Variants in CEMIP observed in about 807,000 individuals in gnomAD.
The protein encoded by CEMIP is cell migration-inducing and hyaluronan-binding protein.
A neutral mutation model predicts 156.9 loss-of-function variants in CEMIP; 105 were observed. The ratio of observed to expected loss-of-function variants is 0.67; its 90% CI spans 0.57 to 0.79. The LOEUF (loss-of-function observed/expected upper bound fraction) is 0.79, where lower values mean the gene tolerates loss of function less well. CEMIP is among the 30% of genes least tolerant of loss of function. The pLI is 0.00. For synonymous variants in CEMIP, 676 were observed against 668.4 expected (o/e 1.01, Z -0.17); for missense variants, 1,457 against 1,769.4 (o/e 0.82, Z 3.17).
intron 12 of CEMIP, among the ~76,000 whole-genome samples, chr15:80,899,888 C>T (rs748931367): frequency 6.6e-6 from 1 of 152,206 alleles, no homozygotes. Flanking sequence ...GTCAGATGTC[C>T]CCCTGGACTC....
Position 80,888,829 on chromosome 15 carries a change from A to G in CEMIP, c.964+33A>G, listed in dbSNP as rs749400482. On this transcript the variant is annotated intron_variant, in intron 9 of 29. Transcript: ENST00000394685. ...GTTTCAGACAATTTGGTGACACCTA[A>G]CAGTGGGATAGAAGACCAGAAATCA... 14 of 1,517,238 alleles carry G rather than the reference A, an allele frequency of 9.2e-6. No individual in the cohort carries two copies. The South Asian group carries it at 1.5e-4, about 16-fold the overall frequency. 94.0% of individuals were successfully genotyped at this position (1,517,238 alleles called of 1,614,324 possible).
chr15:80,897,318 T>C (rs1182903454), intron 12 of CEMIP: 2 of 456,034 alleles, frequency 4.4e-6, no homozygotes, highest in East Asian at 1.4e-4. Flanking sequence ...TTTGGCTGCC[T>C]GAGATGTGCT....
chr15:80,942,116 C>T, intron 26 of CEMIP, 63 bp downstream of exon 26: 5 of 1,555,668 alleles, frequency 3.2e-6, no homozygotes, highest in South Asian at 2.2e-5. Context: ...AGCCCTTTGC[C>T]GTCCAGTCGG....
Position 80,865,338 on chromosome 15 carries a change from C to T in CEMIP, c.-175-8200C>T, listed in dbSNP as rs572542204. ...CTGGGTCTACGGGCTCGCGCCACCACGCCCGGCTAATGTTTGTATTTTTAG... is the reference window on the plus strand; with the variant it reads ...CTGGGTCTACGGGCTCGCGCCACCATGCCCGGCTAATGTTTGTATTTTTAG... On this transcript the variant is annotated intron_variant, in intron 1 of 29. Transcript: ENST00000394685. Among the ~76,000 whole-genome samples, 235 of 152,190 alleles carry T rather than the reference C, an allele frequency of 1.5e-3. 1 individual carries two copies. Among genetic ancestry groups the T allele is most frequent in the African/African-American group, 5.2e-3 (218 of 41,528 alleles).
chr15:80,866,561 A>G (rs1340627166), intron 1 of CEMIP, among the ~76,000 whole-genome samples: 3 of 151,588 alleles, frequency 2.0e-5, no homozygotes, highest in Non-Finnish European at 2.9e-5. Context: ...ACTGCCCTCC[A>G]GCCTAGGTGA....
At position 80,932,982 on chromosome 15, in the gene CEMIP, G is replaced by A. The variant is rs1900980498; in HGVS notation, c.2794-263G>A. Among the ~76,000 whole-genome samples the A allele has an allele frequency of 1.3e-5, 2 of 152,182 alleles. No homozygotes were observed. The highest frequency in any genetic ancestry group is 6.5e-5 in the Admixed American group (1 of 15,276). On this transcript the variant is annotated intron_variant, in intron 22 of 29. Coordinates refer to ENST00000394685, the MANE Select transcript of CEMIP (RefSeq NM_001293298.2). The surrounding 1 kb of genome is among the most constrained non-coding windows in gnomAD (Gnocchi z 4.5). ...GGCTGTGTGTCAGAGCAGTCTCCAA[G>A]CTCATCCACAGCAGCCAACCCTCCA...
At chr15:80,854,262 T>C (rs1281729982) in intron 1 of CEMIP, among the ~76,000 whole-genome samples, 2 of 152,276 alleles carry the variant, frequency 1.3e-5, no homozygotes, top group Non-Finnish European at 2.9e-5. Flanking sequence ...GCCAGCATCC[T>C]GGGCCACAGC....
chr15:80,933,188 C>A (rs948555122), intron 22 of CEMIP, 57 bp from the exon 23 acceptor site: 2 of 1,451,604 alleles, frequency 1.4e-6, no homozygotes, highest in Non-Finnish European at 9.7e-7. Flanking sequence ...GGCCTGATGA[C>A]GGCTGCAGTT....
chr15:80,802,865 C>T (rs1016277703), intron 1 of CEMIP, among the ~76,000 whole-genome samples: 1 of 152,096 alleles, frequency 6.6e-6, no homozygotes, highest in African/African-American at 2.4e-5. Context: ...GGAGGAATAC[C>T]CTTGGTTTTG....
intron 1 of CEMIP, among the ~76,000 whole-genome samples, chr15:80,779,864 A>C (rs184525731): frequency 1.3e-5 from 2 of 152,274 alleles, no homozygotes; most frequent in Non-Finnish European, 2.9e-5. Flanking sequence ...GATGCTTTAC[A>C]AGCTGCAGGT....
At chr15:80,798,395 G>GT (rs574060478) in intron 1 of CEMIP, among the ~76,000 whole-genome samples, 4 of 151,962 alleles carry the variant, frequency 2.6e-5, no homozygotes, top group African/African-American at 9.7e-5. Context: ...CGTTTTATAT[G>GT]TTTTTTCCCA....
Position 80,920,201 on chromosome 15 carries a change from T to C in CEMIP, c.1905T>C (p.Ser635=), listed in dbSNP as rs894362793. 6.2e-7 allele frequency: 1 copy of C among 1,614,106 alleles called. No individual in the cohort carries two copies. The highest frequency in any genetic ancestry group is 8.5e-7 in the Non-Finnish European group (1 of 1,180,052). ...ACTGTCTTGGCCTCCTTGTCAAGTCTGGAACCCTCCTCCCCTCGGACCGTG... is the reference window on the plus strand; with the variant it reads ...ACTGTCTTGGCCTCCTTGTCAAGTCCGGAACCCTCCTCCCCTCGGACCGTG... ...FDHCLGLLVK[S]GTLLPSDRDS... The change falls in exon 15 of 30, where the codon TCT becomes TCC. Residue 635 remains serine, a synonymous_variant. Transcript: ENST00000394685.
At chr15:80,804,087 G>A (rs191513390) in intron 1 of CEMIP, among the ~76,000 whole-genome samples, 72 of 152,302 alleles carry the variant, frequency 4.7e-4, no homozygotes, top group African/African-American at 1.7e-3. Flanking sequence ...CAGATCTTGC[G>A]ATACTTATTC....
Position 80,933,255 on chromosome 15 carries a change from G to A in CEMIP, c.2804G>A (p.Arg935Lys). The A allele has an allele frequency of 6.2e-7, 1 of 1,614,152 alleles. No homozygotes were observed. Among genetic ancestry groups the A allele is most frequent in the South Asian group, 1.1e-5 (1 of 91,082 alleles). ...CTGGGCTCTGTTTAGATTACTTCCA[G>A]AGTGTTCTTCGGAGAGCCTGGGCCC... ...IAFEDVPITS[R>K]VFFGEPGPWF... Residue 935 changes from arginine (R) to lysine (K), a missense_variant, in exon 23 of 30, where the codon AGA becomes AAA. Coordinates refer to ENST00000394685, the MANE Select transcript of CEMIP (RefSeq NM_001293298.2).
At chr15:80,879,678 C>T in intron 4 of CEMIP, 38 bp from the exon 5 acceptor site, 1 of 1,613,652 alleles carries the variant, frequency 6.2e-7, no homozygotes, top group Non-Finnish European at 8.5e-7. Context: ...ACCCTTAACA[C>T]TGTGTTATTA....
chr15:80,802,265 G>A (rs934706844), intron 1 of CEMIP, among the ~76,000 whole-genome samples: 8 of 152,228 alleles, frequency 5.3e-5, no homozygotes, highest in Non-Finnish European at 5.9e-5. Flanking sequence ...ACCATAAGGC[G>A]GGAAAGGGAC....
intron 14 of CEMIP, among the ~76,000 whole-genome samples, chr15:80,916,609 C>G (rs953893882): frequency 2.6e-5 from 4 of 152,220 alleles, no homozygotes; most frequent in African/African-American, 9.7e-5. Context: ...CTATATCTAT[C>G]TATCCATCTA....
rs1488992331 is a variant in CEMIP, at chr15:80,949,532, A to G, written c.*608A>G. 5.9e-6 allele frequency: 1 copy of G among 170,516 alleles called. No homozygotes were observed. The highest frequency in any genetic ancestry group is 2.4e-5 in the African/African-American group (1 of 41,748). The allele number at this position is 170,516 out of a possible 1,614,324, so 10.6% of individuals were successfully genotyped here. On this transcript the variant is annotated 3_prime_UTR_variant, in exon 30 of 30. Transcript: ENST00000394685. ...AGTGGCAGGTTTGGACTTGGACTAG[A>G]TGACTCTCAAAGGCCCTTTTAGTTC...
At chr15:80,866,107 G>A (rs1025691689) in intron 1 of CEMIP, among the ~76,000 whole-genome samples, 3 of 152,178 alleles carry the variant, frequency 2.0e-5, no homozygotes, top group Non-Finnish European at 2.9e-5. Context: ...TTGGTGGGGT[G>A]AGGAGGGATT....
Sources: gnomAD v4.1 joint callset for allele counts (sites outside exome capture counted in the v4.1 genomes callset) on GRCh38, gnomAD v4.1.1 for gene constraint, Gnocchi (gnomAD v3.1) non-coding constraint, MANE v1.5 for transcripts, NCBI Gene and HGNC (gene_info 2026-07-23, HGNC 2026-07-21) for gene names.